PTPRM: variants seen among roughly 807,000 people sequenced by gnomAD.
PTPRM encodes the protein receptor-type tyrosine-protein phosphatase mu.
In PTPRM, 47 loss-of-function variants were observed where a neutral mutation model predicts 186.7. The ratio of observed to expected loss-of-function variants is 0.25; its 90% confidence interval spans 0.20 to 0.32. PTPRM has a LOEUF of 0.32. Among genes scored for constraint, PTPRM ranks in the 10% least tolerant of loss-of-function variants. The pLI, the probability that PTPRM is intolerant of heterozygous loss-of-function variation, is 1.00. For synonymous variants in PTPRM, 668 were observed against 674.9 expected (o/e 0.99, Z 0.16); for missense variants, 1,494 against 1,865.0 (o/e 0.80, Z 3.66).
chr18:8,393,361 G>A (rs1275710742), intron 31 of PTPRM, among the ~76,000 whole-genome samples: 4 of 152,176 alleles, frequency 2.6e-5, no homozygotes, highest in Non-Finnish European at 5.9e-5. Flanking sequence ...CTCAGATTGC[G>A]GCTGGGGACG....
chr18:8,224,787 T>C (rs2147100839), intron 14 of PTPRM, among the ~76,000 whole-genome samples: 1 of 152,350 alleles, frequency 6.6e-6, no homozygotes, highest in South Asian at 2.1e-4. Context: ...AACTCACTGA[T>C]GCATTCTTAT....
intron 7 of PTPRM, among the ~76,000 whole-genome samples, chr18:8,059,122 T>A (rs2088269726): frequency 6.6e-6 from 1 of 151,426 alleles, no homozygotes; most frequent in Non-Finnish European, 1.5e-5. Flanking sequence ...TATCCTCTTT[T>A]ATTTCCTTGA....
At chr18:7,993,204 A>T (rs996724223) in intron 7 of PTPRM, among the ~76,000 whole-genome samples, 1 of 152,048 alleles carries the variant, frequency 6.6e-6, no homozygotes, top group East Asian at 1.9e-4. Flanking sequence ...AAATAATTTT[A>T]AAAAGAAAGC....
At chr18:8,197,195 G>C (rs2093790951) in intron 14 of PTPRM, among the ~76,000 whole-genome samples, 1 of 152,140 alleles carries the variant, frequency 6.6e-6, no homozygotes, top group Non-Finnish European at 1.5e-5. Context: ...TTAGGCCAAT[G>C]TTCTATGTAA....
At chr18:8,361,999 C>T (rs2095599816) in intron 23 of PTPRM, among the ~76,000 whole-genome samples, 1 of 152,166 alleles carries the variant, frequency 6.6e-6, no homozygotes, top group Non-Finnish European at 1.5e-5. Context: ...ATCTTGGCAA[C>T]TTGGGAGACA....
At chr18:8,217,967 T>C (rs929292015) in intron 14 of PTPRM, among the ~76,000 whole-genome samples, 2 of 152,194 alleles carry the variant, frequency 1.3e-5, no homozygotes, top group East Asian at 1.9e-4. Flanking sequence ...TTTAGAAATA[T>C]GTTTTGAAAG....
chr18:8,114,887 T>C (rs778395079), intron 13 of PTPRM, 60 bp downstream of exon 13: 1 of 1,449,294 alleles, frequency 6.9e-7, no homozygotes, highest in Non-Finnish European at 9.5e-7. Flanking sequence ...TATTTTAACC[T>C]ATGTTTCAAA....
chr18:7,852,492 C>T (rs1251770567), intron 2 of PTPRM, among the ~76,000 whole-genome samples: 2 of 152,066 alleles, frequency 1.3e-5, no homozygotes, highest in African/African-American at 4.8e-5. Flanking sequence ...TCGAGACCAT[C>T]CTGGCTAACA....
intron 5 of PTPRM, among the ~76,000 whole-genome samples, chr18:7,937,800 G>A (rs796662495): frequency 3.6e-4 from 55 of 152,220 alleles, no homozygotes; most frequent in African/African-American, 1.2e-3. Flanking sequence ...CAGCATTGTC[G>A]TCATCAGCTT....
rs9963051 is a variant in PTPRM at position 7,788,767 on chromosome 18, C to G, written c.196+14496C>G. On this transcript the variant is annotated intron_variant, in intron 2 of 32. Coordinates refer to ENST00000580170, the MANE Select transcript of PTPRM (RefSeq NM_001105244.2). ...CATATTTATTTCCTAAGAAATGAGT[C>G]CTAACAGAATTTGCTAATATTTGAA... Among the ~76,000 whole-genome samples the G allele has an allele frequency of 2.0e-5, 3 of 152,076 alleles. No individual in the cohort carries two copies. In the East Asian group the frequency reaches 5.8e-4, roughly 29 times the overall value.
chr18:8,106,083 A>C (rs952353562), intron 11 of PTPRM, among the ~76,000 whole-genome samples: 1 of 152,116 alleles, frequency 6.6e-6, no homozygotes, highest in African/African-American at 2.4e-5. Flanking sequence ...AGAGGAGTCA[A>C]GACTAGGAAG....
At chr18:8,049,710 G>GTTTTTTTTTTTTTTT (rs371227331) in intron 7 of PTPRM, among the ~76,000 whole-genome samples, 1 of 145,976 alleles carries the variant, frequency 6.9e-6, no homozygotes, top group Non-Finnish European at 1.5e-5. Context: ...AGTCTGTGAG[G>GTTTTTTTTTTTTTTT]TTTTTTTTTT....
rs564912511 is a variant in PTPRM at position 7,657,771 on chromosome 18, C to T, written c.73+89880C>T. The stretch of plus-strand genomic sequence containing the variant: ...ATGAAAAGGTGTTGCATTTTTGTTT[C>T]GCTCATGCTGGCTTGCACTTGCCTT... On this transcript the variant is annotated intron_variant, in intron 1 of 32. Transcript: ENST00000580170. Among the ~76,000 whole-genome samples the T allele has an allele frequency of 2.0e-4, 31 of 152,272 alleles. 1 individual carries two copies. The highest frequency in any genetic ancestry group is 1.6e-3 in the Admixed American group (25 of 15,294).
At chr18:8,330,088 G>T (rs1175117303) in intron 22 of PTPRM, among the ~76,000 whole-genome samples, 1 of 152,034 alleles carries the variant, frequency 6.6e-6, no homozygotes, top group African/African-American at 2.4e-5. Context: ...CAGGCATGAG[G>T]CACTGCACCC....
intron 2 of PTPRM, among the ~76,000 whole-genome samples, chr18:7,875,329 T>A (rs1404779872): frequency 6.8e-6 from 1 of 146,934 alleles, no homozygotes; most frequent in Non-Finnish European, 1.5e-5. Flanking sequence ...CGTGCACCAT[T>A]TTTTTTTTTT....
intron 2 of PTPRM, among the ~76,000 whole-genome samples, chr18:7,860,810 G>A (rs993340869): frequency 6.6e-5 from 10 of 152,146 alleles, no homozygotes; most frequent in African/African-American, 2.4e-4. Context: ...TCTTGAGCAA[G>A]GTAGAGGCCC....
intron 1 of PTPRM, among the ~76,000 whole-genome samples, chr18:7,689,025 G>A (rs2039673867): frequency 6.6e-6 from 1 of 152,144 alleles, no homozygotes; most frequent in African/African-American, 2.4e-5. Context: ...TTTTGTGCCT[G>A]TAGTCCAAAC....
intron 3 of PTPRM, among the ~76,000 whole-genome samples, chr18:7,893,503 T>G (rs2049183539): frequency 6.6e-6 from 1 of 152,130 alleles, no homozygotes; most frequent in South Asian, 2.1e-4. Context: ...GAAACAAAAA[T>G]GGGGAAGAAG....
At chr18:7,955,541 T>A in intron 7 of PTPRM, 127 bp downstream of exon 7, 1 of 1,111,512 alleles carries the variant, frequency 9.0e-7, no homozygotes, top group South Asian at 1.6e-5. Context: ...GAACAGAAAA[T>A]GCCCTTAGCC....
Sources: allele counts gnomAD v4.1 joint callset (sites outside exome capture counted in the v4.1 genomes callset), GRCh38; gene constraint gnomAD v4.1.1; transcripts MANE v1.5; gene names NCBI Gene and HGNC (gene_info 2026-07-23, HGNC 2026-07-21).